CADM2: variants seen among roughly 807,000 people sequenced by gnomAD.
CADM2 encodes the protein immunoglobulin superfamily member 4D.
CADM2 carries 12 observed loss-of-function variants against 49.8 expected under a neutral mutation model. That is an observed-to-expected ratio of 0.24 (90% CI 0.15 to 0.39). The LOEUF (loss-of-function observed/expected upper bound fraction) is 0.39, where lower values mean the gene tolerates loss of function less well. Among genes scored for constraint, CADM2 ranks in the 10% least tolerant of loss-of-function variants. The pLI is 1.00. For missense variants in CADM2, 378 were observed against 492.3 expected (o/e 0.77, Z 2.20); for synonymous variants, 214 against 175.4 (o/e 1.22, Z -1.74).
At chr3:85,726,040 C>T (rs960974136) in intron 1 of CADM2, among the ~76,000 whole-genome samples, 5 of 151,984 alleles carry the variant, frequency 3.3e-5, no homozygotes, top group African/African-American at 9.7e-5. Context: ...ACTTACTTCT[C>T]ACAGTTGTCA....
chr3:85,435,854 T>C (rs938123473), intron 1 of CADM2, among the ~76,000 whole-genome samples: 12 of 152,300 alleles, frequency 7.9e-5, no homozygotes, highest in Non-Finnish European at 1.5e-4. Flanking sequence ...TTTCACCCAC[T>C]TTTTGATGGG....
chr3:86,033,988 C>T (rs1447282685), intron 8 of CADM2, among the ~76,000 whole-genome samples: 5 of 151,530 alleles, frequency 3.3e-5, no homozygotes, highest in Non-Finnish European at 5.9e-5. Context: ...ACCCACTCTG[C>T]GTATAGCACT....
chr3:85,836,003 T>A (rs1192756590), intron 3 of CADM2, among the ~76,000 whole-genome samples: 1 of 151,446 alleles, frequency 6.6e-6, no homozygotes, highest in African/African-American at 2.4e-5. Flanking sequence ...ATGACTTTCA[T>A]ACAGGCTGCT....
intron 1 of CADM2, among the ~76,000 whole-genome samples, chr3:85,189,167 A>C (rs758340554): frequency 2.0e-5 from 3 of 151,964 alleles, no homozygotes; most frequent in Non-Finnish European, 4.4e-5. Context: ...ATATATATTC[A>C]AACTAATCAC....
rs1249379767 is a variant in CADM2, at chr3:85,472,392, A to G, written c.62-254130A>G. Among the ~76,000 whole-genome samples the G allele has an allele frequency of 2.6e-5, 4 of 151,988 alleles. No homozygotes were observed. The East Asian group carries it at 7.7e-4, about 29-fold the overall frequency. The stretch of plus-strand genomic sequence containing the variant: ...AGTTGTGTTATTCATACACACACGC[A>G]CCCACACAGAAACACACATACACAG... On this transcript the variant is annotated intron_variant, in intron 1 of 9. Coordinates refer to ENST00000383699, the MANE Select transcript of CADM2 (RefSeq NM_001167675.2).
At chr3:85,919,516 A>G (rs1280255199) in intron 6 of CADM2, among the ~76,000 whole-genome samples, 1 of 151,832 alleles carries the variant, frequency 6.6e-6, no homozygotes, top group Non-Finnish European at 1.5e-5. Context: ...TAACAGAAAA[A>G]CGTTTGGGTC....
intron 1 of CADM2, among the ~76,000 whole-genome samples, chr3:85,524,246 TATTC>T (rs1361849704): frequency 2.6e-5 from 4 of 152,124 alleles, no homozygotes; most frequent in African/African-American, 9.7e-5. Flanking sequence ...TGATCTTTAT[TATTC>T]TATTTTTTGT....
chr3:85,426,840 A>G (rs1285283779), intron 1 of CADM2, among the ~76,000 whole-genome samples: 1 of 152,114 alleles, frequency 6.6e-6, no homozygotes, highest in East Asian at 1.9e-4. Flanking sequence ...CCAAAGAAAG[A>G]CATTGACATG....
intron 8 of CADM2, among the ~76,000 whole-genome samples, chr3:85,981,026 C>A (rs1327128805): frequency 1.3e-5 from 2 of 151,272 alleles, no homozygotes; most frequent in Non-Finnish European, 3.0e-5. Flanking sequence ...TTTCTCCCCA[C>A]CCCCAACAAA....
At chr3:86,031,419 T>G (rs1734547194) in intron 8 of CADM2, among the ~76,000 whole-genome samples, 1 of 151,890 alleles carries the variant, frequency 6.6e-6, no homozygotes, top group Non-Finnish European at 1.5e-5. Context: ...GTATTTGCCC[T>G]GTTCTTAGAT....
intron 1 of CADM2, among the ~76,000 whole-genome samples, chr3:85,626,282 T>C (rs893480229): frequency 2.6e-5 from 4 of 151,956 alleles, no homozygotes; most frequent in African/African-American, 4.8e-5. Flanking sequence ...TTAATATGAA[T>C]ATAGCTTATC....
At chr3:86,024,360 A>G (rs966565784) in intron 8 of CADM2, among the ~76,000 whole-genome samples, 8 of 152,236 alleles carry the variant, frequency 5.3e-5, no homozygotes, top group Non-Finnish European at 8.8e-5. Context: ...TTAGAGCACA[A>G]GTAAGCGAGA....
chr3:85,352,729 T>A (rs1428199745), intron 1 of CADM2, among the ~76,000 whole-genome samples: 1 of 152,242 alleles, frequency 6.6e-6, no homozygotes, highest in East Asian at 1.9e-4. Flanking sequence ...ATTTTATGAG[T>A]TAAAAAGAAA....
intron 8 of CADM2, among the ~76,000 whole-genome samples, chr3:86,043,032 C>T (rs1736162551): frequency 6.6e-6 from 1 of 152,134 alleles, no homozygotes; most frequent in South Asian, 2.1e-4. Context: ...TTCAACAGCC[C>T]TTCATGCTAA....
chr3:85,847,200 G>A (rs1319520191), intron 3 of CADM2, among the ~76,000 whole-genome samples: 1 of 152,154 alleles, frequency 6.6e-6, no homozygotes, highest in Non-Finnish European at 1.5e-5. Context: ...TGTTAGCATA[G>A]TATCACCAAC....
chr3:85,123,075 A>G (rs1266820812), intron 1 of CADM2, among the ~76,000 whole-genome samples: 1 of 152,158 alleles, frequency 6.6e-6, no homozygotes, highest in African/African-American at 2.4e-5. Context: ...ATGTTCCATC[A>G]AACTTAACTA....
chr3:85,978,786 C>T (rs1481231956), intron 8 of CADM2, among the ~76,000 whole-genome samples: 1 of 151,446 alleles, frequency 6.6e-6, no homozygotes. Context: ...GTGTTTATTT[C>T]TGTATGTGTC....
chr3:85,349,108 A>G (rs2107229590), intron 1 of CADM2, among the ~76,000 whole-genome samples: 1 of 152,248 alleles, frequency 6.6e-6, no homozygotes, highest in Admixed American at 6.5e-5. Flanking sequence ...TTCTCAATGC[A>G]ATCATTACCT....
chr3:85,728,551 G>A (rs914006530), intron 2 of CADM2, among the ~76,000 whole-genome samples: 1 of 151,900 alleles, frequency 6.6e-6, no homozygotes, highest in African/African-American at 2.4e-5. Context: ...AAAAAAAAAA[G>A]TGGATAAGAG....
Sources: gnomAD v4.1 joint callset for allele counts (sites outside exome capture counted in the v4.1 genomes callset) on GRCh38, gnomAD v4.1.1 for gene constraint, MANE v1.5 for transcripts, NCBI Gene and HGNC (gene_info 2026-07-23, HGNC 2026-07-21) for gene names.